The following MEOX2 variants were observed in gnomAD, a reference collection of about 807,000 sequenced individuals.
MEOX2 encodes the protein mesenchyme homeobox 2.
In MEOX2, 11 loss-of-function variants were observed where a neutral mutation model predicts 27.0. The observed-to-expected ratio is 0.41, with a 90% CI of 0.26 to 0.68. MEOX2 has a LOEUF of 0.68. Ranked by LOEUF, MEOX2 falls within the 30% of genes least tolerant of loss-of-function variation. The pLI is 0.33. For synonymous variants in MEOX2, 189 were observed against 155.4 expected (o/e 1.22, Z -1.61); for missense variants, 436 against 385.4 (o/e 1.13, Z -1.10).
intron 1 of MEOX2, among the ~76,000 whole-genome samples, chr7:15,644,757 C>T (rs1781616921): frequency 1.3e-5 from 2 of 152,100 alleles, no homozygotes; most frequent in African/African-American, 4.8e-5. Context: ...GAGTAATGTA[C>T]AGTGAATTAT....
At chr7:15,627,074 G>C (rs1270854499) in intron 1 of MEOX2, among the ~76,000 whole-genome samples, 156 bp from the exon 2 acceptor site, 1 of 151,846 alleles carries the variant, frequency 6.6e-6, no homozygotes, top group South Asian at 2.1e-4. Flanking sequence ...CAGCTCAACG[G>C]GGGGAGATAT....
chr7:15,663,400 T>G (rs1397845216), intron 1 of MEOX2, among the ~76,000 whole-genome samples: 2 of 151,662 alleles, frequency 1.3e-5, no homozygotes, highest in East Asian at 3.9e-4. Context: ...TGGCACGATC[T>G]CAGCTCACTG....
intron 1 of MEOX2, among the ~76,000 whole-genome samples, chr7:15,659,710 A>G (rs1781880209): frequency 7.0e-6 from 1 of 143,736 alleles, no homozygotes; most frequent in African/African-American, 2.6e-5. Context: ...TAGTGAGCCG[A>G]GATCGCGTCA....
At chr7:15,678,297 T>A (rs946999338) in intron 1 of MEOX2, among the ~76,000 whole-genome samples, 5 of 152,222 alleles carry the variant, frequency 3.3e-5, no homozygotes, top group Non-Finnish European at 7.3e-5. Flanking sequence ...AAGACATCAC[T>A]TGATTCCAAC....
In MEOX2 at chr7:15,611,999, A is replaced by G. The variant is rs905411924; in HGVS notation, c.*388T>C. Reference sequence around the variant, plus strand: ...CACTGTAATACACATGATCTCACACATCTGGAATGTTCAATGCAAGTTCAT... The same window carrying G: ...CACTGTAATACACATGATCTCACACGTCTGGAATGTTCAATGCAAGTTCAT... On this transcript the variant is annotated 3_prime_UTR_variant, in exon 3 of 3. Transcript: ENST00000262041. The G allele has an allele frequency of 8.7e-6, 2 of 230,268 alleles. No homozygotes were observed. The highest frequency in any genetic ancestry group is 1.8e-5 in the Non-Finnish European group (2 of 113,808). 14.3% of individuals were successfully genotyped at this position (230,268 alleles called of 1,614,324 possible). A position where few individuals can be genotyped will look rare whatever the true frequency, so the allele number is the denominator to read the frequency against.
intron 1 of MEOX2, among the ~76,000 whole-genome samples, chr7:15,665,686 C>T (rs572774563): frequency 3.3e-5 from 5 of 152,222 alleles, no homozygotes; most frequent in African/African-American, 1.2e-4. Flanking sequence ...TTTAAAAATA[C>T]TGGCAAAGTA....
chr7:15,681,086 C>T (rs1456064588), intron 1 of MEOX2: 1 of 151,448 alleles, frequency 6.6e-6, no homozygotes, highest in Non-Finnish European at 1.5e-5. Context: ...ATTAATTCAA[C>T]AGATATTATT....
chr7:15,683,257 A>G (rs1026515619), intron 1 of MEOX2, among the ~76,000 whole-genome samples: 4 of 152,172 alleles, frequency 2.6e-5, no homozygotes, highest in African/African-American at 9.6e-5. Context: ...TATTAGATGC[A>G]GGGATACAGA....
intron 1 of MEOX2, among the ~76,000 whole-genome samples, chr7:15,660,895 C>T (rs2115383552): frequency 6.6e-6 from 1 of 151,410 alleles, no homozygotes; most frequent in East Asian, 2.0e-4. Context: ...TGTCTGTAAT[C>T]CCAGCTACTC....
chr7:15,674,253 C>T (rs1782156549), intron 1 of MEOX2, among the ~76,000 whole-genome samples: 1 of 152,030 alleles, frequency 6.6e-6, no homozygotes, highest in Non-Finnish European at 1.5e-5. Context: ...AATAATACTA[C>T]ATGTTGTATT....
rs76556446 is a variant in MEOX2, at chr7:15,653,986, A to T, written c.518-27068T>A. Among the ~76,000 whole-genome samples the T allele has an allele frequency of 4.3e-3, 653 of 152,090 alleles. 6 individuals carry two copies. The highest frequency in any genetic ancestry group is 0.015 in the African/African-American group (618 of 41,558). Reference sequence around the variant, plus strand: ...TTTGATAGACTGACATAAAACTTACAGCAAATTGGGGGAAATTGACATCTT... The same window carrying T: ...TTTGATAGACTGACATAAAACTTACTGCAAATTGGGGGAAATTGACATCTT... On this transcript the variant is annotated intron_variant, in intron 1 of 2. Transcript: ENST00000262041.
chr7:15,633,927 G>A (rs781610179), intron 1 of MEOX2, among the ~76,000 whole-genome samples: 18 of 151,840 alleles, frequency 1.2e-4, no homozygotes, highest in South Asian at 4.2e-4. Context: ...CCTTGTTCTG[G>A]CATAGAAATT....
chr7:15,685,615 T>C (rs1464094498), intron 1 of MEOX2, among the ~76,000 whole-genome samples: 3 of 152,222 alleles, frequency 2.0e-5, no homozygotes, highest in African/African-American at 7.2e-5. Flanking sequence ...TCACAGCCAC[T>C]TGTCCTTTTT....
At chr7:15,631,932 G>GTGTGTGTGTGTGTGTGTGTGTGTGTGT (rs371386224) in intron 1 of MEOX2, among the ~76,000 whole-genome samples, 12 of 149,826 alleles carry the variant, frequency 8.0e-5, no homozygotes, top group Middle Eastern at 3.2e-3. Context: ...GTGTGTGTGT[G>GTGTGTGTGTGTGTGTGTGTGTGTGTGT]GAGAGAAAGA....
intron 1 of MEOX2, among the ~76,000 whole-genome samples, chr7:15,657,225 A>G (rs529566919): frequency 6.6e-6 from 1 of 151,960 alleles, no homozygotes; most frequent in South Asian, 2.1e-4. Flanking sequence ...TTGCAGGTTT[A>G]TGTCTTTTGC....
intron 1 of MEOX2, among the ~76,000 whole-genome samples, chr7:15,635,212 A>G (rs556365641): frequency 7.6e-4 from 116 of 152,100 alleles, no homozygotes; most frequent in Non-Finnish European, 1.2e-3. Context: ...ACAGATAGTC[A>G]CAGAATGTTC....
intron 1 of MEOX2, among the ~76,000 whole-genome samples, chr7:15,669,288 G>A (rs1179719519): frequency 6.6e-6 from 1 of 152,220 alleles, no homozygotes. Context: ...TGAATAATGA[G>A]AGTTGCCTGG....
intron 2 of MEOX2, among the ~76,000 whole-genome samples, chr7:15,618,032 C>A (rs113162588): frequency 6.6e-6 from 1 of 152,018 alleles, no homozygotes; most frequent in African/African-American, 2.4e-5. Context: ...ATGAGCCAAC[C>A]TTATACTCTC....
chr7:15,677,065 C>A (rs1019612581), intron 1 of MEOX2, among the ~76,000 whole-genome samples: 1 of 152,100 alleles, frequency 6.6e-6, no homozygotes, highest in Non-Finnish European at 1.5e-5. Flanking sequence ...ATTCACCTTA[C>A]ATTTCAGGGA....
Sources: gnomAD v4.1 joint callset for allele counts (sites outside exome capture counted in the v4.1 genomes callset) on GRCh38, gnomAD v4.1.1 for gene constraint, MANE v1.5 for transcripts, NCBI Gene and HGNC (gene_info 2026-07-23, HGNC 2026-07-21) for gene names.